CACNA1C: variants seen among roughly 807,000 people sequenced by gnomAD.
The protein encoded by CACNA1C is calcium voltage-gated channel subunit alpha1 C, also known as voltage-dependent L-type calcium channel subunit alpha-1C.
Under a neutral mutation model 229.0 loss-of-function variants are expected in CACNA1C, and 30 were observed. The observed-to-expected ratio is 0.13, with a 90% CI of 0.10 to 0.18. The LOEUF (loss-of-function observed/expected upper bound fraction) is 0.18, where lower values mean the gene tolerates loss of function less well. Among genes scored for constraint, CACNA1C ranks in the 10% least tolerant of loss-of-function variants. The probability of loss-of-function intolerance (pLI) is 1.00; values close to 1 mark genes in which losing one functional copy is unlikely to be tolerated. For synonymous variants in CACNA1C, 1,114 were observed against 1,132.5 expected, an observed-to-expected ratio of 0.98 and a Z score of 0.33; for missense variants, 1,658 against 2,845.0, an observed-to-expected ratio of 0.58 and a Z score of 9.49.
intron 5 of CACNA1C, among the ~76,000 whole-genome samples, chr12:2,478,591 A>G (rs566461682): frequency 6.6e-6 from 1 of 152,344 alleles, no homozygotes; most frequent in South Asian, 2.1e-4. Flanking sequence ...TATGGCCTTT[A>G]CTATGGGCCT....
chr12:2,418,386 G>A lies in CACNA1C; in HGVS notation c.478-30590G>A, dbSNP rs538704201. ...CAGTAAGGTGTGAATGACTAACATC[G>A]AATCTGTCCTGAGAGTAGGTTTTAG... On this transcript the variant is annotated intron_variant, in intron 3 of 46. Coordinates refer to ENST00000399655, the MANE Select transcript of CACNA1C (RefSeq NM_000719.7). 5.2e-4 allele frequency among the ~76,000 whole-genome samples: 79 copies of A among 152,308 alleles called. 1 individual carries two copies. The South Asian group carries it at 0.015, about 28-fold the overall frequency.
In CACNA1C at chr12:2,303,775, C is replaced by T. The variant is rs142133418; in HGVS notation, c.478-145201C>T. 3.9e-4 allele frequency among the ~76,000 whole-genome samples: 59 copies of T among 152,250 alleles called. No individual in the cohort carries two copies. In the Middle Eastern group the frequency reaches 0.014, roughly 35 times the overall value. On this transcript the variant is annotated intron_variant, in intron 3 of 46. Transcript: ENST00000399655. ...GCTCTGCAAGGCTGTGCGGAGTGGGCGCCGGGTGGAACTCCAGGGGAGGCA... is the reference window on the plus strand; with the variant it reads ...GCTCTGCAAGGCTGTGCGGAGTGGGTGCCGGGTGGAACTCCAGGGGAGGCA...
intron 1 of CACNA1C, among the ~76,000 whole-genome samples, chr12:2,035,002 A>C (rs1333978853): frequency 6.6e-6 from 1 of 152,240 alleles, no homozygotes; most frequent in Non-Finnish European, 1.5e-5. Context: ...GCACACGTGG[A>C]AACGGTAAAG....
intron 42 of CACNA1C, among the ~76,000 whole-genome samples, chr12:2,681,469 A>G (rs1193540383): frequency 1.3e-5 from 2 of 152,174 alleles, no homozygotes; most frequent in South Asian, 2.1e-4. Context: ...TCACAGCTCA[A>G]GGCTAACGGC....
chr12:2,165,772 AC>A (rs2096187243), intron 3 of CACNA1C, among the ~76,000 whole-genome samples: 1 of 152,130 alleles, frequency 6.6e-6, no homozygotes, highest in Non-Finnish European at 1.5e-5. Context: ...AAGTTCAAGT[AC>A]TTGCAAAGGT....
chr12:2,474,596 A>G lies in CACNA1C; in HGVS notation c.758-11508A>G, dbSNP rs141581886. On this transcript the variant is annotated intron_variant, in intron 5 of 46. Transcript: ENST00000399655. Reference sequence around the variant, plus strand: ...ATGGCGAAACCCCGTCTCTACTAAAAATACAAAAACTTAGCCAGACATGGT... The same window carrying G: ...ATGGCGAAACCCCGTCTCTACTAAAGATACAAAAACTTAGCCAGACATGGT... Among the ~76,000 whole-genome samples, 481 of 152,198 alleles carry G rather than the reference A, an allele frequency of 3.2e-3. 2 individuals carry two copies. Among genetic ancestry groups the G allele is most frequent in the African/African-American group, 0.011 (455 of 41,530 alleles).
Position 2,403,819 on chromosome 12 carries a change from G to C in CACNA1C, c.478-45157G>C, listed in dbSNP as rs960165913. On this transcript the variant is annotated intron_variant, in intron 3 of 46. Coordinates refer to ENST00000399655, the MANE Select transcript of CACNA1C (RefSeq NM_000719.7). This position sits in a 1 kb window ranked among gnomAD's most constrained non-coding sequence, Gnocchi z 4.1. ...TTTCCCACCACAAGATGACGAAGAT[G>C]TGGTGTTGACAGACTGCTGGTGTCC... 1.3e-5 allele frequency among the ~76,000 whole-genome samples: 2 copies of C among 152,204 alleles called. No individual in the cohort carries two copies. Among genetic ancestry groups the C allele is most frequent in the African/African-American group, 4.8e-5 (2 of 41,450 alleles).
intron 38 of CACNA1C, among the ~76,000 whole-genome samples, chr12:2,674,332 G>A (rs555239132): frequency 6.6e-6 from 1 of 152,352 alleles, no homozygotes; most frequent in African/African-American, 2.4e-5. Context: ...CAAGAGGGAA[G>A]GGGGAAGGAA....
In CACNA1C at chr12:2,446,363, G is replaced by T. The variant is rs575237209; in HGVS notation, c.478-2613G>T. Reference sequence around the variant, plus strand: ...GTATATATATGTATGTATGTGTGTGGGTGGGTGGATGGATGGATGGATGGA... The same window carrying T: ...GTATATATATGTATGTATGTGTGTGTGTGGGTGGATGGATGGATGGATGGA... On this transcript the variant is annotated intron_variant, in intron 3 of 46. Transcript: ENST00000399655. Among the ~76,000 whole-genome samples the T allele has an allele frequency of 9.6e-3, 1,376 of 144,058 alleles. 24 individuals are homozygous for T. The highest frequency in any genetic ancestry group is 0.033 in the African/African-American group (1,279 of 38,698). The allele number at this position is 144,058 out of a possible 152,430, so 94.5% of individuals were successfully genotyped here. A position where few individuals can be genotyped will look rare whatever the true frequency, so the allele number is the denominator to read the frequency against.
chr12:2,100,763 G>GA (rs1197942383), intron 1 of CACNA1C, among the ~76,000 whole-genome samples: 1 of 150,002 alleles, frequency 6.7e-6, no homozygotes, highest in Non-Finnish European at 1.5e-5. Context: ...CTCAAAAAAA[G>GA]AAAAAAAGGT....
At position 2,585,765 on chromosome 12, in the gene CACNA1C, G is replaced by A. The variant is rs980337083; in HGVS notation, c.2461-70G>A. ...TCACTGACTAAAATGCAACTTCAAGGCTACTGCAAGCCTCTTAACTTGGGG... is the reference window on the plus strand; with the variant it reads ...TCACTGACTAAAATGCAACTTCAAGACTACTGCAAGCCTCTTAACTTGGGG... On this transcript the variant is annotated intron_variant, in intron 17 of 46. Transcript: ENST00000399655. This position sits in a 1 kb window ranked among gnomAD's most constrained non-coding sequence, Gnocchi z 4.1. The A allele has an allele frequency of 2.5e-6, 3 of 1,178,866 alleles. No homozygotes were observed. The highest frequency in any genetic ancestry group is 3.7e-6 in the Non-Finnish European group (3 of 802,900). 73.0% of individuals were successfully genotyped at this position (1,178,866 alleles called of 1,614,324 possible). A position where few individuals can be genotyped will look rare whatever the true frequency, so the allele number is the denominator to read the frequency against.
rs147337452 is a variant in CACNA1C at position 2,631,619 on chromosome 12, T to C, written c.3829-2678T>C. Among the ~76,000 whole-genome samples the C allele has an allele frequency of 2.6e-5, 4 of 152,318 alleles. No homozygotes were observed. The East Asian group carries it at 7.7e-4, about 29-fold the overall frequency. ...TATTTCCTGCTCATAGCATGTGACT[T>C]AAATGGGAGAAAGAAGTCTCTCTGC... On this transcript the variant is annotated intron_variant, in intron 29 of 46. Coordinates refer to ENST00000399655, the MANE Select transcript of CACNA1C (RefSeq NM_000719.7).
intron 10 of CACNA1C, among the ~76,000 whole-genome samples, chr12:2,552,968 G>T (rs922970077): frequency 2.0e-5 from 3 of 151,338 alleles, no homozygotes; most frequent in Non-Finnish European, 4.4e-5. Flanking sequence ...AGCTGTAGGG[G>T]AAGCAAGTGC....
In CACNA1C at chr12:2,653,657, G is replaced by A. The variant is rs140105663; in HGVS notation, c.4075-178G>A. Among the ~76,000 whole-genome samples the A allele has an allele frequency of 6.6e-5, 10 of 152,298 alleles. No homozygotes were observed. Among genetic ancestry groups the A allele is most frequent in the African/African-American group, 2.2e-4 (9 of 41,572 alleles). ...CAAGCTGAAATGGGAAGTCAGTTCC[G>A]GTTTCTCAGACCTTCTCGCAGGTTC... On this transcript the variant is annotated intron_variant, in intron 32 of 46. Transcript: ENST00000399655. This position sits in a 1 kb window ranked among gnomAD's most constrained non-coding sequence, Gnocchi z 4.7.
chr12:2,244,348 C>T (rs1220323752), intron 3 of CACNA1C, among the ~76,000 whole-genome samples: 1 of 152,234 alleles, frequency 6.6e-6, no homozygotes, highest in Non-Finnish European at 1.5e-5. Context: ...CGCTTTTGAA[C>T]AGAAGCACTC....
At chr12:2,431,790 A>G (rs2099087846) in intron 3 of CACNA1C, among the ~76,000 whole-genome samples, 1 of 152,224 alleles carries the variant, frequency 6.6e-6, no homozygotes. Context: ...TCCCCCAAGC[A>G]GGTGGAGGTA....
At chr12:2,422,976 A>T (rs188185449) in intron 3 of CACNA1C, among the ~76,000 whole-genome samples, 1 of 152,154 alleles carries the variant, frequency 6.6e-6, no homozygotes, top group South Asian at 2.1e-4. Flanking sequence ...TTGGACCAAG[A>T]TACCTGAAGT....
intron 3 of CACNA1C, among the ~76,000 whole-genome samples, chr12:2,387,229 A>C (rs1208799399): frequency 1.3e-5 from 2 of 152,162 alleles, no homozygotes; most frequent in Admixed American, 6.5e-5. Flanking sequence ...TCATGCCTGT[A>C]ATCTCAGCAC....
intron 3 of CACNA1C, among the ~76,000 whole-genome samples, chr12:2,261,091 G>A (rs995183845): frequency 6.6e-6 from 1 of 152,048 alleles, no homozygotes; most frequent in South Asian, 2.1e-4. Flanking sequence ...ATTTAGCCAG[G>A]TGTGGTGGCA....
Sources: gnomAD v4.1 joint callset for allele counts (sites outside exome capture counted in the v4.1 genomes callset) on GRCh38, gnomAD v4.1.1 for gene constraint, Gnocchi (gnomAD v3.1) non-coding constraint, MANE v1.5 for transcripts, NCBI Gene and HGNC (gene_info 2026-07-23, HGNC 2026-07-21) for gene names.